MDGA2: variants seen among roughly 807,000 people sequenced by gnomAD.
MDGA2 encodes MAM domain-containing glycosylphosphatidylinositol anchor protein 2.
MDGA2 carries 40 observed loss-of-function variants against 117.8 expected under a neutral mutation model. That is an observed-to-expected ratio of 0.34 (90% confidence interval 0.26 to 0.44). The LOEUF (loss-of-function observed/expected upper bound fraction) is 0.44, where lower values mean the gene tolerates loss of function less well. MDGA2 is among the 20% of genes least tolerant of loss of function. MDGA2 has a pLI of 1.00. For missense variants in MDGA2, 1,123 were observed against 1,250.6 expected (o/e 0.90, Z 1.54); for synonymous variants, 452 against 439.0 (o/e 1.03, Z -0.37).
intron 3 of MDGA2, among the ~76,000 whole-genome samples, chr14:47,161,018 T>A (rs1359185676): frequency 6.6e-6 from 1 of 152,176 alleles, no homozygotes; most frequent in Non-Finnish European, 1.5e-5. Context: ...TCAGGAGTAT[T>A]TTTACTTCCT....
rs371386262 is a variant in MDGA2, at chr14:47,641,877, G to T, written c.280+32640C>A. Among the ~76,000 whole-genome samples, 98 of 152,210 alleles carry T rather than the reference G, an allele frequency of 6.4e-4. No homozygotes were observed. In the South Asian group the frequency reaches 0.02, roughly 31 times the overall value. On this transcript the variant is annotated intron_variant, in intron 1 of 16. Coordinates refer to ENST00000399232, the MANE Select transcript of MDGA2 (RefSeq NM_001113498.3). ...TTCATCAATTGAACTCATTTGATAGGGAAGAGATGCAAGGATAGGAATGGA... is the reference window on the plus strand; with the variant it reads ...TTCATCAATTGAACTCATTTGATAGTGAAGAGATGCAAGGATAGGAATGGA...
intron 3 of MDGA2, among the ~76,000 whole-genome samples, chr14:47,170,347 T>A (rs1884069650): frequency 1.3e-5 from 2 of 152,186 alleles, no homozygotes; most frequent in Non-Finnish European, 2.9e-5. Flanking sequence ...TAAATCATAA[T>A]AACAAATAAT....
At chr14:47,651,648 G>A (rs567303526) in intron 1 of MDGA2, among the ~76,000 whole-genome samples, 1 of 152,090 alleles carries the variant, frequency 6.6e-6, no homozygotes, top group East Asian at 1.9e-4. Context: ...ATGAGGAAGG[G>A]GTACTCACAG....
chr14:47,173,923 C>A (rs1287324964), intron 3 of MDGA2, among the ~76,000 whole-genome samples: 1 of 152,064 alleles, frequency 6.6e-6, no homozygotes, highest in Non-Finnish European at 1.5e-5. Flanking sequence ...CAGAGACACA[C>A]ATAGGCTCAA....
At chr14:47,505,617 T>C (rs962111582) in intron 1 of MDGA2, among the ~76,000 whole-genome samples, 4 of 152,192 alleles carry the variant, frequency 2.6e-5, no homozygotes, top group South Asian at 2.1e-4. Flanking sequence ...AAATACACTA[T>C]TTTTATGTCA....
intron 2 of MDGA2, among the ~76,000 whole-genome samples, chr14:47,291,108 T>C (rs1427648632): frequency 6.6e-6 from 1 of 152,194 alleles, no homozygotes; most frequent in Non-Finnish European, 1.5e-5. Context: ...TCAAAGCAGC[T>C]AGATTGTATT....
chr14:47,394,818 T>C (rs1013918249), intron 1 of MDGA2, among the ~76,000 whole-genome samples: 2 of 152,196 alleles, frequency 1.3e-5, no homozygotes, highest in Non-Finnish European at 2.9e-5. Flanking sequence ...TTAAAATGAA[T>C]AATTTTTGAC....
chr14:47,644,640 T>C (rs1208628401), intron 1 of MDGA2, among the ~76,000 whole-genome samples: 1 of 151,932 alleles, frequency 6.6e-6, no homozygotes, highest in African/African-American at 2.4e-5. Context: ...GGTGTTCTAT[T>C]GCACAACAGG....
intron 1 of MDGA2, among the ~76,000 whole-genome samples, chr14:47,527,110 A>G (rs1383101708): frequency 6.6e-6 from 1 of 152,202 alleles, no homozygotes; most frequent in Non-Finnish European, 1.5e-5. Flanking sequence ...TAATTCACAC[A>G]GAGGGTAAGG....
chr14:47,249,817 C>T (rs1361560026), intron 2 of MDGA2, among the ~76,000 whole-genome samples: 2 of 152,096 alleles, frequency 1.3e-5, no homozygotes, highest in African/African-American at 4.8e-5. Context: ...AAAAAAAGTT[C>T]ACAAGATTCT....
intron 8 of MDGA2, among the ~76,000 whole-genome samples, chr14:46,988,739 C>T (rs1886962491): frequency 6.6e-6 from 1 of 152,054 alleles, no homozygotes; most frequent in Non-Finnish European, 1.5e-5. Context: ...TCTATCTCTT[C>T]TCAGGTAGAA....
At chr14:47,331,200 T>C (rs894385448) in intron 1 of MDGA2, among the ~76,000 whole-genome samples, 5 of 151,830 alleles carry the variant, frequency 3.3e-5, no homozygotes, top group African/African-American at 7.2e-5. Context: ...CCCCAAAATA[T>C]TGAAAAACAA....
intron 1 of MDGA2, among the ~76,000 whole-genome samples, chr14:47,356,314 G>A (rs528764789): frequency 2.2e-4 from 33 of 152,154 alleles, no homozygotes; most frequent in African/African-American, 3.4e-4. Flanking sequence ...TATGCTTATC[G>A]CCCTCTTTCA....
chr14:47,568,634 A>G (rs1895961797), intron 1 of MDGA2, among the ~76,000 whole-genome samples: 1 of 152,212 alleles, frequency 6.6e-6, no homozygotes, highest in Non-Finnish European at 1.5e-5. Context: ...GAATAAAGTT[A>G]AAGAGTATTT....
At chr14:47,384,035 A>T (rs556243490) in intron 1 of MDGA2, among the ~76,000 whole-genome samples, 1 of 150,930 alleles carries the variant, frequency 6.6e-6, no homozygotes, top group Non-Finnish European at 1.5e-5. Context: ...TTAGATAAAG[A>T]GATAAATAGA....
intron 9 of MDGA2, among the ~76,000 whole-genome samples, chr14:46,937,013 T>C (rs1342789985): frequency 2.0e-5 from 3 of 152,074 alleles, no homozygotes; most frequent in East Asian, 1.9e-4. Flanking sequence ...CCCTGTTTGC[T>C]GATGGCATAC....
intron 1 of MDGA2, among the ~76,000 whole-genome samples, chr14:47,408,364 T>G (rs552678867): frequency 6.6e-6 from 1 of 152,320 alleles, no homozygotes; most frequent in Admixed American, 6.5e-5. Context: ...GAGATTATTC[T>G]TATAAGCATG....
chr14:47,251,622 C>T (rs961057320), intron 2 of MDGA2, among the ~76,000 whole-genome samples: 3 of 152,072 alleles, frequency 2.0e-5, no homozygotes, highest in African/African-American at 7.2e-5. Flanking sequence ...AGTACAGCTA[C>T]CACAAATAAA....
rs1330119217 is a variant in MDGA2, at chr14:47,621,060, C to T, written c.280+53457G>A. On this transcript the variant is annotated intron_variant, in intron 1 of 16. Coordinates refer to ENST00000399232, the MANE Select transcript of MDGA2 (RefSeq NM_001113498.3). The stretch of plus-strand genomic sequence containing the variant: ...AGCAAATCCTTTGAAATTTTGGTCA[C>T]CCTCCTTCCGCTGGCCAAATTAATG... Among the ~76,000 whole-genome samples, 4 of 151,208 alleles carry T rather than the reference C, an allele frequency of 2.6e-5. No individual in the cohort carries two copies. In the East Asian group the frequency reaches 7.8e-4, roughly 29 times the overall value.
Sources: allele counts gnomAD v4.1 joint callset (sites outside exome capture counted in the v4.1 genomes callset), GRCh38; gene constraint gnomAD v4.1.1; transcripts MANE v1.5; gene names NCBI Gene and HGNC (gene_info 2026-07-23, HGNC 2026-07-21).